The following CAST variants were observed in gnomAD, a reference collection of about 807,000 sequenced individuals.
CAST encodes calpastatin.
A neutral mutation model predicts 119.6 loss-of-function variants in CAST; 76 were observed. The ratio of observed to expected loss-of-function variants is 0.64; its 90% CI spans 0.53 to 0.77. CAST has a LOEUF of 0.77. CAST is among the 30% of genes least tolerant of loss of function. CAST has a pLI of 0.00. For synonymous variants in CAST, 319 were observed against 331.6 expected, an observed-to-expected ratio of 0.96 and a Z score of 0.41; for missense variants, 953 against 946.5, an observed-to-expected ratio of 1.01 and a Z score of -0.09.
the CAST span, among the ~76,000 whole-genome samples, chr5:96,002,679 A>C: frequency 2.0e-5 from 3 of 152,276 alleles, no homozygotes; most frequent in East Asian, 5.8e-4. Context: ...CCATGCCCAC[A>C]TGGAGTGAAT....
the CAST span, among the ~76,000 whole-genome samples, chr5:95,968,388 A>G: frequency 2.0e-5 from 3 of 152,224 alleles, no homozygotes; most frequent in African/African-American, 4.8e-5. Flanking sequence ...TGGTATAACA[A>G]ATATGCACAG....
At chr5:96,080,575 T>C in the CAST span, among the ~76,000 whole-genome samples, 1 of 152,240 alleles carries the variant, frequency 6.6e-6, no homozygotes, top group Non-Finnish European at 1.5e-5. Flanking sequence ...ATCTGTTACA[T>C]GCAGGGATTA....
chr5:96,209,923 T>G, the CAST span, among the ~76,000 whole-genome samples: 1 of 151,906 alleles, frequency 6.6e-6, no homozygotes, highest in Non-Finnish European at 1.5e-5. Context: ...TCAAATATGT[T>G]TCCAAGTTGC....
At chr5:96,476,522 A>G in the CAST span, among the ~76,000 whole-genome samples, 1 of 152,194 alleles carries the variant, frequency 6.6e-6, no homozygotes, top group Admixed American at 6.5e-5. Flanking sequence ...CTGGAACAGA[A>G]CAACATCACT....
chr5:96,738,413 G>A (rs1205365094), intron 11 of CAST, among the ~76,000 whole-genome samples: 2 of 152,090 alleles, frequency 1.3e-5, no homozygotes, highest in African/African-American at 2.4e-5. Flanking sequence ...TTAGTATCGG[G>A]GATGGAAATT....
At chr5:96,688,470 AAACT>A (rs1214162358) in intron 2 of CAST, among the ~76,000 whole-genome samples, 17 of 152,192 alleles carry the variant, frequency 1.1e-4, no homozygotes, top group African/African-American at 3.9e-4. Context: ...TAATAACAAC[AAACT>A]AAGAAGGAAA....
the CAST span, among the ~76,000 whole-genome samples, chr5:96,217,221 T>TTTTTTTTA: frequency 3.3e-5 from 5 of 149,712 alleles, no homozygotes; most frequent in African/African-American, 1.2e-4. Flanking sequence ...TTTTTTTTTT[T>TTTTTTTTA]ATAGAGATGA....
In CAST at chr5:96,616,751, TATACAC is replaced by T. The variant is rs1350287068; in HGVS notation, c.61-58786_61-58781del. On this transcript the variant is annotated intron_variant, in intron 1 of 11. Coordinates refer to the CAST transcript ENST00000505143. ...CTCGCTCTCTCTCTCTCTCTATATA[TATACAC>T]ACACACACACACACACACACACACA... Among the ~76,000 whole-genome samples the T allele has an allele frequency of 9.1e-3, 1,080 of 118,460 alleles. 6 individuals are homozygous for T. Among genetic ancestry groups the T allele is most frequent in the South Asian group, 0.014 (55 of 4,016 alleles). 77.7% of individuals were successfully genotyped at this position (118,460 alleles called of 152,430 possible).
chr5:96,385,662 G>C, the CAST span, among the ~76,000 whole-genome samples: 12 of 152,148 alleles, frequency 7.9e-5, no homozygotes, highest in African/African-American at 2.9e-4. Flanking sequence ...TCAAATAACA[G>C]AAAAGAATCT....
the CAST span, among the ~76,000 whole-genome samples, chr5:96,097,852 T>A: frequency 6.6e-6 from 1 of 152,138 alleles, no homozygotes; most frequent in African/African-American, 2.4e-5. Flanking sequence ...TACTCAGTAA[T>A]GGGATTGCTG....
chr5:96,057,611 C>T, the CAST span, among the ~76,000 whole-genome samples: 14 of 152,244 alleles, frequency 9.2e-5, no homozygotes, highest in Non-Finnish European at 7.4e-5. Flanking sequence ...AACTGAATAC[C>T]TCTCCAGATG....
chr5:96,074,062 C>G, the CAST span, among the ~76,000 whole-genome samples: 2 of 152,116 alleles, frequency 1.3e-5, no homozygotes, highest in Non-Finnish European at 2.9e-5. Flanking sequence ...AATTTTATAT[C>G]GAGAGACTCA....
intron 2 of CAST, among the ~76,000 whole-genome samples, chr5:96,686,604 G>T (rs1259650959): frequency 6.6e-6 from 1 of 152,126 alleles, no homozygotes; most frequent in African/African-American, 2.4e-5. Flanking sequence ...TGTTTTTGTG[G>T]AGTAATAGAA....
At chr5:96,581,871 A>G (rs2150189406) in intron 1 of CAST, among the ~76,000 whole-genome samples, 1 of 149,604 alleles carries the variant, frequency 6.7e-6, no homozygotes, top group East Asian at 2.0e-4. Context: ...AGCCTGGGCG[A>G]CAGAGCGAAA....
intron 1 of CAST, among the ~76,000 whole-genome samples, chr5:96,600,237 T>C (rs1423016569): frequency 6.6e-6 from 1 of 152,238 alleles, no homozygotes; most frequent in Non-Finnish European, 1.5e-5. Flanking sequence ...CCTTTCTAGA[T>C]ACCTGGCAAA....
At chr5:96,585,754 C>T (rs1263393032) in intron 1 of CAST, among the ~76,000 whole-genome samples, 1 of 152,136 alleles carries the variant, frequency 6.6e-6, no homozygotes, top group Admixed American at 6.5e-5. Flanking sequence ...AACAAACACA[C>T]ATATTTTAAA....
intron 2 of CAST, among the ~76,000 whole-genome samples, chr5:96,686,239 T>G (rs1752069839): frequency 6.6e-6 from 1 of 152,194 alleles, no homozygotes; most frequent in South Asian, 2.1e-4. Flanking sequence ...CATCATAAAC[T>G]GTTTTAAAGC....
chr5:96,547,274 G>C (rs1746036460), intron 1 of CAST, among the ~76,000 whole-genome samples: 1 of 152,114 alleles, frequency 6.6e-6, no homozygotes, highest in African/African-American at 2.4e-5. Flanking sequence ...AGCCAGTGAT[G>C]CAATTCAATA....
the CAST span, among the ~76,000 whole-genome samples, chr5:96,282,832 A>G: frequency 6.6e-6 from 1 of 152,146 alleles, no homozygotes; most frequent in African/African-American, 2.4e-5. Context: ...GAGGGTTCAT[A>G]GAAAAAAAAT....
Sources: allele counts gnomAD v4.1 joint callset (sites outside exome capture counted in the v4.1 genomes callset), GRCh38; gene constraint gnomAD v4.1.1; transcripts MANE v1.5; gene names NCBI Gene and HGNC (gene_info 2026-07-23, HGNC 2026-07-21).